DDX5: variants seen among roughly 807,000 people sequenced by gnomAD.
DDX5 encodes the protein DEAD-box helicase 5.
Under a neutral mutation model 68.6 loss-of-function variants are expected in DDX5, and 6 were observed. The ratio of observed to expected loss-of-function variants is 0.09; its 90% CI spans 0.05 to 0.17. The LOEUF is 0.17. DDX5 is among the 10% of genes least tolerant of loss of function. The pLI, the probability that DDX5 is intolerant of heterozygous loss-of-function variation, is 1.00. For missense variants in DDX5, 499 were observed against 756.1 expected (o/e 0.66, Z 3.99); for synonymous variants, 350 against 247.0 (o/e 1.42, Z -3.91).
At chr17:64,506,528 TC>T, upstream of DDX5, 3 of 641,600 alleles carry the variant, frequency 4.7e-6, no homozygotes, top group Non-Finnish European at 7.0e-6. Context: ...TTCTGGTCTT[TC>T]CACACCTCAA....
In DDX5 at chr17:64,506,221, A is replaced by G; in HGVS notation, c.-102T>C. On this transcript the variant is annotated 5_prime_UTR_variant, in exon 1 of 13. Transcript: ENST00000225792. ...GACGGCGAAGCCTTGCGGGGGCGGC[A>G]GCGGAGGAAGGACACCGATGACACC... The G allele has an allele frequency of 3.9e-6, 6 of 1,557,180 alleles. No homozygotes were observed. Among genetic ancestry groups the G allele is most frequent in the Non-Finnish European group, 5.2e-6 (6 of 1,150,664 alleles).
In DDX5 at chr17:64,499,946, T is replaced by C. The variant is rs559466356; in HGVS notation, c.1822A>G (p.Met608Val). ...TAAAPMIGYP[M>V]PTGYSQ ...TCTTATTGGGAATATCCTGTTGGCA[T>C]TGGATAACCAATCATAGGTGCAGCT... The change falls in exon 13 of 13, where the codon ATG becomes GTG. Residue 608 changes from methionine to valine, a missense_variant. By Grantham distance (21) the Met-to-Val change is conservative (BLOSUM62 1). This residue lies in a region of DDX5 where 171 missense variants were observed against 174.8 expected (regional missense o/e 0.98). Transcript: ENST00000225792. 50 of 1,607,284 alleles carry C rather than the reference T, an allele frequency of 3.1e-5. No homozygotes were observed. The highest frequency in any genetic ancestry group is 1.7e-4 in the Middle Eastern group (1 of 6,026).
upstream of DDX5, chr17:64,506,820 G>C (rs1399353264): frequency 3.4e-6 from 2 of 581,752 alleles, no homozygotes; most frequent in Non-Finnish European, 6.2e-6. Flanking sequence ...CGTCCGACCC[G>C]CGTGTCTGAT....
intron 1 of DDX5, chr17:64,505,301 A>C (rs1286785626): frequency 6.0e-6 from 2 of 335,118 alleles, no homozygotes; most frequent in Non-Finnish European, 1.1e-5. Context: ...CAGTACAGTC[A>C]GCGATAACAG....
chr17:64,504,259 C>T lies in DDX5; in HGVS notation c.270G>A (p.Pro90=), dbSNP rs1555671690. The change falls in exon 3 of 13, where the codon CCG becomes CCA. Residue 90 remains proline (P), a synonymous_variant. Transcript: ENST00000225792. Reference sequence around the variant, plus strand: ...CTTCATAAAAATTTAGAACTGGCTTCGGGCAGTTGTGACCTCTAACTGTAA... The same window carrying T: ...CTTCATAAAAATTTAGAACTGGCTTTGGGCAGTTGTGACCTCTAACTGTAA... ...KEITVRGHNC[P]KPVLNFYEAN... The T allele has an allele frequency of 5.0e-6, 8 of 1,614,110 alleles. No individual in the cohort carries two copies. The highest frequency in any genetic ancestry group is 2.2e-5 in the East Asian group (1 of 44,880).
chr17:64,498,441 T>C lies in DDX5; in HGVS notation c.*1482A>G, dbSNP rs1272533386. Among the ~76,000 whole-genome samples the C allele has an allele frequency of 6.6e-6, 1 of 152,176 alleles. No individual in the cohort carries two copies. The highest frequency in any genetic ancestry group is 1.5e-5 in the Non-Finnish European group (1 of 68,034). ...AGACATTAAACAGTAAAATATGTAA[T>C]AAATGCTCCAACCTACCCTCTCCCC... On this transcript the variant is annotated 3_prime_UTR_variant, in exon 13 of 13. Coordinates refer to ENST00000225792, the MANE Select transcript of DDX5 (RefSeq NM_004396.5).
intron 2 of DDX5, 21 bp downstream of exon 2, chr17:64,504,656 A>AAGC: frequency 6.3e-7 from 1 of 1,589,452 alleles, no homozygotes; most frequent in Non-Finnish European, 8.5e-7. Context: ...CAGCCTGATG[A>AAGC]AGCCACATGA....
chr17:64,505,700 C>G, intron 1 of DDX5: 1 of 1,528,896 alleles, frequency 6.5e-7, no homozygotes, highest in South Asian at 1.2e-5. Context: ...CCCTCGCTCC[C>G]ACAGAATGCC....
intron 1 of DDX5, chr17:64,505,765 CT>C: frequency 6.5e-7 from 1 of 1,536,202 alleles, no homozygotes; most frequent in Non-Finnish European, 8.7e-7. Flanking sequence ...GTTCCTTCGT[CT>C]GCCTCGAAGC....
rs370469831 is a variant in DDX5 at position 64,499,917 on chromosome 17, A to G, written c.*6T>C. On this transcript the variant is annotated 3_prime_UTR_variant, in exon 13 of 13. Coordinates refer to ENST00000225792, the MANE Select transcript of DDX5 (RefSeq NM_004396.5). ...AAAACAGACATTTACATATACTTCT[A>G]AAGTCTTATTGGGAATATCCTGTTG... The G allele has an allele frequency of 5.6e-5, 88 of 1,574,662 alleles. No homozygotes were observed. Among genetic ancestry groups the G allele is most frequent in the Middle Eastern group, 5.2e-4 (3 of 5,792 alleles).
rs782040676 is a variant in DDX5, at chr17:64,500,191, A to C, written c.1577T>G (p.Phe526Cys). 1 of 1,614,112 alleles carries C rather than the reference A, an allele frequency of 6.2e-7. No individual in the cohort carries two copies. Among genetic ancestry groups the C allele is most frequent in the South Asian group, 1.1e-5 (1 of 91,078 alleles). The change falls in exon 13 of 13, where the codon TTT becomes TGT. Residue 526 changes from phenylalanine (F) to cysteine (C), a missense_variant. Physicochemically the swap from Phe to Cys is radical, Grantham distance 205. Around this residue, in one of 5 missense-constraint regions of DDX5, gnomAD observed 171 missense variants for 174.8 expected, o/e 0.98. Coordinates refer to ENST00000225792, the MANE Select transcript of DDX5 (RefSeq NM_004396.5). ...AACACCATTCTGAGTTTTTGCCCCAAAATCTCTTTTAAGCAGGCTAGAGTA... is the reference window on the plus strand; with the variant it reads ...AACACCATTCTGAGTTTTTGCCCCACAATCTCTTTTAAGCAGGCTAGAGTA... Reference protein sequence around the residue: ...RGYSSLLKRDFGAKTQNGVYS... With the variant: ...RGYSSLLKRDCGAKTQNGVYS...
chr17:64,505,756 T>A, intron 1 of DDX5: 1 of 1,536,034 alleles, frequency 6.5e-7, no homozygotes, highest in Non-Finnish European at 8.7e-7. Context: ...CTAACAGATG[T>A]TCCTTCGTCT....
chr17:64,500,444 AGT>A, intron 12 of DDX5, 103 bp downstream of exon 12: 1 of 1,519,360 alleles, frequency 6.6e-7, no homozygotes, highest in South Asian at 1.2e-5. Flanking sequence ...TTTCAGCTTA[AGT>A]TTTCACATTC....
rs2038236485 is a variant in DDX5 at position 64,499,355 on chromosome 17, T to TG, written c.*567dup. Among the ~76,000 whole-genome samples, 1 of 152,148 alleles carries TG rather than the reference T, an allele frequency of 6.6e-6. No homozygotes were observed. Among genetic ancestry groups the TG allele is most frequent in the South Asian group, 2.1e-4 (1 of 4,834 alleles). ...GAAAAAGGCTATTAAATGACTCCCCTGATGCTGGAAGCTGACAAAGCTTTT... is the reference window on the plus strand; with the variant it reads ...GAAAAAGGCTATTAAATGACTCCCCTGGATGCTGGAAGCTGACAAAGCTTTT... On this transcript the variant is annotated 3_prime_UTR_variant, in exon 13 of 13. Transcript: ENST00000225792.
chr17:64,505,721 A>C (rs1555672206), intron 1 of DDX5: 6 of 1,534,934 alleles, frequency 3.9e-6, no homozygotes, highest in Non-Finnish European at 5.2e-6. Context: ...CGGCCACCCC[A>C]AAAACACCTC....
Position 64,498,916 on chromosome 17 carries a change from G to A in DDX5, c.*1007C>T, listed in dbSNP as rs782484268. 3.9e-5 allele frequency among the ~76,000 whole-genome samples: 6 copies of A among 152,204 alleles called. No homozygotes were observed. Among genetic ancestry groups the A allele is most frequent in the Non-Finnish European group, 5.9e-5 (4 of 68,038 alleles). On this transcript the variant is annotated 3_prime_UTR_variant, in exon 13 of 13. Transcript: ENST00000225792. ...CTCCTGATTAGTCATTAATTTTAAT[G>A]AGGTTTTTTCCTTGTGTTGAGTATG...
At position 64,504,268 on chromosome 17, in the gene DDX5, G is replaced by C; in HGVS notation, c.261C>G (p.His87Gln). The change falls in exon 3 of 13, where the codon CAC (histidine) becomes CAG (glutamine). Residue 87 changes from histidine to glutamine, a missense_variant. Transcript: ENST00000225792. Reference protein sequence around the residue: ...RRSKEITVRGHNCPKPVLNFY... With the variant: ...RRSKEITVRGQNCPKPVLNFY... ...AATTTAGAACTGGCTTCGGGCAGTT[G>C]TGACCTCTAACTGTAATTTCCTTGC... The C allele has an allele frequency of 6.2e-7, 1 of 1,614,154 alleles. No homozygotes were observed. The highest frequency in any genetic ancestry group is 8.5e-7 in the Non-Finnish European group (1 of 1,180,018).
intron 11 of DDX5, chr17:64,501,669 A>G (rs565250038): frequency 4.2e-5 from 14 of 331,956 alleles, no homozygotes; most frequent in African/African-American, 6.3e-5. Flanking sequence ...CATGGGACAG[A>G]AGAAATACCA....
rs1555670261 is a variant in DDX5 at position 64,498,693 on chromosome 17, T to C, written c.*1230A>G. ...AAATGAAGTCTCCTGAAGACCTCTC[T>C]TCTGGCAAAAAAAAACACGTATCAG... On this transcript the variant is annotated 3_prime_UTR_variant, in exon 13 of 13. Coordinates refer to ENST00000225792, the MANE Select transcript of DDX5 (RefSeq NM_004396.5). 6.6e-6 allele frequency among the ~76,000 whole-genome samples: 1 copy of C among 151,216 alleles called. No homozygotes were observed. Among genetic ancestry groups the C allele is most frequent in the Non-Finnish European group, 1.5e-5 (1 of 67,976 alleles).
Sources: allele counts gnomAD v4.1 joint callset (sites outside exome capture counted in the v4.1 genomes callset), GRCh38; gene constraint gnomAD v4.1.1; regional missense constraint gnomAD v4.1.1; transcripts MANE v1.5; gene names NCBI Gene and HGNC (gene_info 2026-07-23, HGNC 2026-07-21).